B4GALT7: variants seen among roughly 807,000 people sequenced by gnomAD.
B4GALT7 encodes beta-1,4-galactosyltransferase 7.
In B4GALT7, 30 loss-of-function variants were observed where a neutral mutation model predicts 33.0. The observed-to-expected ratio is 0.91, with a 90% CI of 0.68 to 1.23. The LOEUF (loss-of-function observed/expected upper bound fraction) is 1.23. Ranked by LOEUF, B4GALT7 falls within the 50% of genes most tolerant of loss-of-function variation. The pLI, the probability that B4GALT7 is intolerant of heterozygous loss-of-function variation, is 0.00. For synonymous variants in B4GALT7, 213 were observed against 187.2 expected (o/e 1.14, Z -1.13); for missense variants, 507 against 450.8 (o/e 1.12, Z -1.13).
At chr5:177,607,165 G>A in intron 2 of B4GALT7, 137 bp from the exon 3 acceptor site, 1 of 741,994 alleles carries the variant, frequency 1.3e-6, no homozygotes, top group Non-Finnish European at 2.4e-6. Flanking sequence ...TGAGTGGAGG[G>A]ACTGCCCCAC....
rs761002833 is a variant in B4GALT7, at chr5:177,607,462, CCT to C, written c.579_580del (p.Tyr194ProfsTer42). On this transcript the variant is annotated frameshift_variant, in exon 3 of 6. Coordinates refer to ENST00000029410, the MANE Select transcript of B4GALT7 (RefSeq NM_007255.3). LOFTEE classifies it high-confidence loss of function. ...PFHVASPELHPLYHYKTYVGG... is the reference protein window; with the variant it reads ...PFHVASPELHXLYHYKTYVGG... ...CCACGTGGCCTCCCCGGAGCTCCAC[CCT>C]CTCTACCACTACAAGACCTATGTCG... 8 of 1,613,726 alleles carry C rather than the reference CCT, an allele frequency of 5.0e-6. No individual in the cohort carries two copies. The highest frequency in any genetic ancestry group is 6.8e-6 in the Non-Finnish European group (8 of 1,180,046).
rs1320938876 is a variant in B4GALT7 at position 177,606,180 on chromosome 5, CT to C, written c.414-1121del. 2 of 152,208 alleles carry C rather than the reference CT, an allele frequency of 1.3e-5. No individual in the cohort carries two copies. Among genetic ancestry groups the C allele is most frequent in the African/African-American group, 4.8e-5 (2 of 41,426 alleles). The allele number at this position is 152,208 out of a possible 1,614,324, so 9.4% of individuals were successfully genotyped here. The stretch of plus-strand genomic sequence containing the variant: ...TGTCATCTCCAGCATTAAACCACGT[CT>C]CTGATGATTCCTGAGGCTGTTTCCT... On this transcript the variant is annotated intron_variant, in intron 2 of 5. Transcript: ENST00000029410. This position sits in a 1 kb window ranked among gnomAD's most constrained non-coding sequence, Gnocchi z 4.2.
chr5:177,608,106 GC>G lies in B4GALT7; in HGVS notation c.640-431del, dbSNP rs1271324539. 4.2e-6 allele frequency: 1 copy of G among 240,824 alleles called. No homozygotes were observed. The highest frequency in any genetic ancestry group is 8.3e-6 in the Non-Finnish European group (1 of 121,084). 14.9% of individuals were successfully genotyped at this position (240,824 alleles called of 1,614,324 possible). A position where few individuals can be genotyped will look rare whatever the true frequency, so the allele number is the denominator to read the frequency against. ...TCCTCCTCTCCAGGCCATGGCAGGG[GC>G]CAGCTTTATGTAAATGAAGCCCCTG... On this transcript the variant is annotated intron_variant, in intron 3 of 5. Transcript: ENST00000029410. This position sits in a 1 kb window ranked among gnomAD's most constrained non-coding sequence, Gnocchi z 4.1.
intron 2 of B4GALT7, 71 bp downstream of exon 2, chr5:177,604,612 G>A: frequency 4.4e-6 from 7 of 1,600,824 alleles, no homozygotes; most frequent in South Asian, 1.1e-5. Context: ...CCTGTGAGAG[G>A]CCACCTGGGG....
In B4GALT7 at chr5:177,608,183, C is replaced by A; in HGVS notation, c.640-356C>A. The A allele has an allele frequency of 6.2e-6, 2 of 325,054 alleles. No individual in the cohort carries two copies. The highest frequency in any genetic ancestry group is 1.2e-5 in the Non-Finnish European group (2 of 170,494). The allele number at this position is 325,054 out of a possible 1,614,324, so 20.1% of individuals were successfully genotyped here. A position where few individuals can be genotyped will look rare whatever the true frequency, so the allele number is the denominator to read the frequency against. ...TCATGGAACCCTGCTACCCCTCTCA[C>A]ACACACAGGAAGAGATGAGGGCAGG... On this transcript the variant is annotated intron_variant, in intron 3 of 5. Transcript: ENST00000029410. The surrounding 1 kb of genome is among the most constrained non-coding windows in gnomAD (Gnocchi z 4.1).
chr5:177,604,662 G>A, intron 2 of B4GALT7, 121 bp downstream of exon 2: 2 of 1,303,468 alleles, frequency 1.5e-6, no homozygotes, highest in South Asian at 1.3e-5. Flanking sequence ...CCCTCTCACT[G>A]GGTGTGACAG....
In B4GALT7 at chr5:177,604,397, G is replaced by T. The variant is rs1347089087; in HGVS notation, c.269G>T (p.Trp90Leu). The change falls in exon 2 of 6, where the codon TGG becomes TTG. Residue 90 changes from tryptophan (W) to leucine (L), a missense_variant. Transcript: ENST00000029410. ...PPEHWEEDAS[W>L]GPHRLAVLVP... The stretch of plus-strand genomic sequence containing the variant: ...GAGCACTGGGAAGAAGACGCATCCT[G>T]GGGCCCCCACCGCCTGGCAGTGCTG... 2 of 1,613,568 alleles carry T rather than the reference G, an allele frequency of 1.2e-6. No individual in the cohort carries two copies. Among genetic ancestry groups the T allele is most frequent in the African/African-American group, 2.7e-5 (2 of 74,902 alleles).
At chr5:177,602,346 G>A (rs1767869428) in intron 1 of B4GALT7, among the ~76,000 whole-genome samples, 2 of 152,194 alleles carry the variant, frequency 1.3e-5, no homozygotes, top group Non-Finnish European at 2.9e-5. Flanking sequence ...CTTAAGGCAT[G>A]CCCTGACTGC....
In B4GALT7 at chr5:177,607,425, G is replaced by A; in HGVS notation, c.537G>A (p.Glu179=). ...AGGAGCTGGACTATGGCTTTCCTGA[G>A]GCTGGGCCCTTCCACGTGGCCTCCC... ...LNEELDYGFP[E]AGPFHVASPE... Residue 179 remains glutamate, a synonymous_variant, in exon 3 of 6, where the codon GAG becomes GAA. Transcript: ENST00000029410. 1 of 1,614,068 alleles carries A rather than the reference G, an allele frequency of 6.2e-7. No homozygotes were observed. The highest frequency in any genetic ancestry group is 8.5e-7 in the Non-Finnish European group (1 of 1,180,038).
At position 177,608,043 on chromosome 5, in the gene B4GALT7, G is replaced by A; in HGVS notation, c.640-496G>A. ...CAGCCAGTCACTGGCTGGTGGACGGGCAGGCAGGAAGAAGCACTTGTGGCT... is the reference window on the plus strand; with the variant it reads ...CAGCCAGTCACTGGCTGGTGGACGGACAGGCAGGAAGAAGCACTTGTGGCT... On this transcript the variant is annotated intron_variant, in intron 3 of 5. Transcript: ENST00000029410. The surrounding 1 kb of genome is among the most constrained non-coding windows in gnomAD (Gnocchi z 4.1). 1 of 232,572 alleles carries A rather than the reference G, an allele frequency of 4.3e-6. No individual in the cohort carries two copies. The allele number at this position is 232,572 out of a possible 1,614,324, so 14.4% of individuals were successfully genotyped here.
chr5:177,602,919 G>C, intron 1 of B4GALT7: 1 of 869,968 alleles, frequency 1.1e-6, no homozygotes. Flanking sequence ...GTCTCGCTCT[G>C]TTGCCCAGGC....
rs1355108661 is a variant in B4GALT7, at chr5:177,610,020, GACA to G, written c.*328_*330del. 7.3e-6 allele frequency: 3 copies of G among 410,688 alleles called. No individual in the cohort carries two copies. Among genetic ancestry groups the G allele is most frequent in the Admixed American group, 3.6e-5 (1 of 27,660 alleles). 25.4% of individuals were successfully genotyped at this position (410,688 alleles called of 1,614,324 possible). ...GTGGGTAGTGGGGAGGGCTGAACAGGACAACCTCTCATCACCCCCACTTTTGTT... is the reference window on the plus strand; with the variant it reads ...GTGGGTAGTGGGGAGGGCTGAACAGGACCTCTCATCACCCCCACTTTTGTT... On this transcript the variant is annotated 3_prime_UTR_variant, in exon 6 of 6. Coordinates refer to ENST00000029410, the MANE Select transcript of B4GALT7 (RefSeq NM_007255.3).
In B4GALT7 at chr5:177,608,276, A is replaced by C; in HGVS notation, c.640-263A>C. 1.9e-6 allele frequency: 1 copy of C among 525,466 alleles called. No homozygotes were observed. Among genetic ancestry groups the C allele is most frequent in the South Asian group, 2.2e-5 (1 of 45,788 alleles). 32.6% of individuals were successfully genotyped at this position (525,466 alleles called of 1,614,324 possible). On this transcript the variant is annotated intron_variant, in intron 3 of 5. Coordinates refer to ENST00000029410, the MANE Select transcript of B4GALT7 (RefSeq NM_007255.3). The surrounding 1 kb of genome is among the most constrained non-coding windows in gnomAD (Gnocchi z 4.1). ...GGAGCTGGCGCTTCTGCCCATCGAC[A>C]GTTCCCCACAGAGATCCCCTCTGGG... is the stretch of plus-strand genomic sequence containing the variant.
rs751742436 is a variant in B4GALT7, at chr5:177,609,583, A to G, written c.872A>G (p.Lys291Arg). Reference protein sequence around the residue: ...VDREGGLNTVKYHVASRTALS... With the variant: ...VDREGGLNTVRYHVASRTALS... Reference sequence around the variant, plus strand: ...AGGGAGGGAGGCCTGAACACTGTGAAGTACCATGTGGCTTCCCGCACTGCC... The same window carrying G: ...AGGGAGGGAGGCCTGAACACTGTGAGGTACCATGTGGCTTCCCGCACTGCC... Residue 291 changes from lysine (K) to arginine (R), a missense_variant, in exon 6 of 6, where the codon AAG becomes AGG. Transcript: ENST00000029410. 39 of 1,613,758 alleles carry G rather than the reference A, an allele frequency of 2.4e-5. No homozygotes were observed. Among genetic ancestry groups the G allele is most frequent in the Non-Finnish European group, 3.0e-5 (35 of 1,180,042 alleles).
At position 177,604,483 on chromosome 5, in the gene B4GALT7, CTGAGCAGGAA is replaced by C. The variant is rs1767929016; in HGVS notation, c.356_365del (p.Leu119ArgfsTer166). On this transcript the variant is annotated frameshift_variant, in exon 2 of 6. Transcript: ENST00000029410. LOFTEE classifies it high-confidence loss of function. ...CTTCGTGCCCCACATGCGCCGCTTC[CTGAGCAGGAA>C]GAAGATCCGGCACCACATCTACGTG... is the stretch of plus-strand genomic sequence containing the variant. 3 of 1,613,918 alleles carry C rather than the reference CTGAGCAGGAA, an allele frequency of 1.9e-6. No homozygotes were observed. Among genetic ancestry groups the C allele is most frequent in the Non-Finnish European group, 2.5e-6 (3 of 1,179,976 alleles).
In B4GALT7 at chr5:177,609,526, C is replaced by T. The variant is rs199973542; in HGVS notation, c.829-14C>T. On this transcript the variant is annotated splice_polypyrimidine_tract_variant and intron_variant, in intron 5 of 5. Coordinates refer to ENST00000029410, the MANE Select transcript of B4GALT7 (RefSeq NM_007255.3). ...CAGCCCTGAGTCCGTGCTCTTTCCT[C>T]TCTTCCTCCCCAGGAGCAGTTCAAG... is the stretch of plus-strand genomic sequence containing the variant. 2 of 1,612,776 alleles carry T rather than the reference C, an allele frequency of 1.2e-6. No homozygotes were observed. The highest frequency in any genetic ancestry group is 1.7e-6 in the Non-Finnish European group (2 of 1,180,020).
At position 177,600,581 on chromosome 5, in the gene B4GALT7, T is replaced by G. The variant is rs1283567641; in HGVS notation, c.50+321T>G. 6.6e-6 allele frequency among the ~76,000 whole-genome samples: 1 copy of G among 152,118 alleles called. No homozygotes were observed. Among genetic ancestry groups the G allele is most frequent in the Non-Finnish European group, 1.5e-5 (1 of 68,018 alleles). ...CCCTCTTTGCTAGTCTCTCTCGTTATGTGTTTCGTTGTGTCTGTGTTTCTC... is the reference window on the plus strand; with the variant it reads ...CCCTCTTTGCTAGTCTCTCTCGTTAGGTGTTTCGTTGTGTCTGTGTTTCTC... On this transcript the variant is annotated intron_variant, in intron 1 of 5. Transcript: ENST00000029410. The surrounding 1 kb of genome is among the most constrained non-coding windows in gnomAD (Gnocchi z 4.4).
chr5:177,604,284 C>T lies in B4GALT7; in HGVS notation c.156C>T (p.Ser52=). 4.3e-6 allele frequency: 7 copies of T among 1,612,860 alleles called. No individual in the cohort carries two copies. The highest frequency in any genetic ancestry group is 5.9e-6 in the Non-Finnish European group (7 of 1,179,500). Residue 52 remains serine, a synonymous_variant, in exon 2 of 6, where the codon AGC becomes AGT. Transcript: ENST00000029410. ...GFFSLLWLQL[S]CSGDVARAVR... ...TCTCCCTACTCTGGCTGCAGCTCAG[C>T]TGCTCTGGGGACGTGGCCCGGGCAG...
rs777656195 is a variant in B4GALT7, at chr5:177,609,598, C to T, written c.887C>T (p.Ser296Phe). ...GLNTVKYHVA[S>F]RTALSVGGAP... is the part of the protein sequence containing the mutation. Reference sequence around the variant, plus strand: ...AACACTGTGAAGTACCATGTGGCTTCCCGCACTGCCCTGTCTGTGGGCGGG... The same window carrying T: ...AACACTGTGAAGTACCATGTGGCTTTCCGCACTGCCCTGTCTGTGGGCGGG... The change falls in exon 6 of 6, where the codon TCC becomes TTC. Residue 296 changes from serine (S) to phenylalanine (F), a missense_variant. Physicochemically the swap from Ser to Phe is radical, Grantham distance 155. Transcript: ENST00000029410. 2 of 1,613,852 alleles carry T rather than the reference C, an allele frequency of 1.2e-6. No homozygotes were observed. The highest frequency in any genetic ancestry group is 1.7e-6 in the Non-Finnish European group (2 of 1,180,050).
Sources: allele counts gnomAD v4.1 joint callset (sites outside exome capture counted in the v4.1 genomes callset), GRCh38; gene constraint gnomAD v4.1.1; non-coding constraint Gnocchi (gnomAD v3.1); transcripts MANE v1.5; gene names NCBI Gene and HGNC (gene_info 2026-07-23, HGNC 2026-07-21).